The following ZNF638 variants were observed in gnomAD, a reference collection of about 807,000 sequenced individuals.
ZNF638 encodes zinc finger protein 638, also known as CTCL tumor antigen se33-1.
A neutral mutation model predicts 195.6 loss-of-function variants in ZNF638; 46 were observed. That is an observed-to-expected ratio of 0.24 (90% CI 0.19 to 0.30). The LOEUF (loss-of-function observed/expected upper bound fraction) is 0.30. ZNF638 is among the 10% of genes least tolerant of loss of function. ZNF638 has a pLI of 1.00. For missense variants in ZNF638, 2,440 were observed against 2,325.3 expected (o/e 1.05, Z -1.01); for synonymous variants, 845 against 772.0 (o/e 1.09, Z -1.57).
At chr2:71,388,392 C>G (rs1420903859) in intron 10 of ZNF638, 2 of 647,224 alleles carry the variant, frequency 3.1e-6, no homozygotes, top group South Asian at 1.5e-5. Flanking sequence ...GATCATCTGA[C>G]CTTTGATCAT....
At chr2:71,339,930 C>T (rs920065088) in intron 1 of ZNF638, among the ~76,000 whole-genome samples, 1 of 152,094 alleles carries the variant, frequency 6.6e-6, no homozygotes, top group Non-Finnish European at 1.5e-5. Context: ...CTCTAGAGGC[C>T]TGTTTACGTA....
At chr2:71,334,995 G>A (rs1403168194) in intron 1 of ZNF638, among the ~76,000 whole-genome samples, 1 of 152,000 alleles carries the variant, frequency 6.6e-6, no homozygotes, top group Non-Finnish European at 1.5e-5. Context: ...AAAGTCCAGG[G>A]TTTTGGTTTG....
At chr2:71,411,032 C>T (rs1442141336) in intron 20 of ZNF638, among the ~76,000 whole-genome samples, 3 of 117,114 alleles carry the variant, frequency 2.6e-5, no homozygotes, top group Non-Finnish European at 4.9e-5. Flanking sequence ...GAGCCTGGCT[C>T]TGTTGTCCAG....
rs546124263 is a variant in ZNF638, at chr2:71,338,621, T to G, written c.-203+6746T>G. On this transcript the variant is annotated intron_variant, in intron 1 of 27. Coordinates refer to ENST00000264447, the MANE Select transcript of ZNF638 (RefSeq NM_014497.5). ...TCGTTATTCTTCTCTTTCCCTTAGC[T>G]CCATCAAAACTGAGGTACATAAATC... 1.8e-4 allele frequency among the ~76,000 whole-genome samples: 28 copies of G among 152,336 alleles called. No individual in the cohort carries two copies. The South Asian group carries it at 5.4e-3, about 29-fold the overall frequency.
intron 10 of ZNF638, among the ~76,000 whole-genome samples, chr2:71,385,866 T>C (rs777391282): frequency 6.6e-6 from 1 of 152,184 alleles, no homozygotes; most frequent in Non-Finnish European, 1.5e-5. Context: ...TATAGAATTA[T>C]ATGTAGGAAT....
intron 20 of ZNF638, among the ~76,000 whole-genome samples, chr2:71,417,982 C>T (rs927566116): frequency 2.0e-5 from 3 of 152,158 alleles, no homozygotes; most frequent in Admixed American, 2.0e-4. Flanking sequence ...TATGTATAAG[C>T]TCTGAATGGC....
Position 71,370,548 on chromosome 2 carries a change from A to G in ZNF638, c.2265+543A>G, listed in dbSNP as rs113728566. ...AGATAATATCTATAGAATTACTTTA[A>G]ATTACCCTTTAAGGATGAGCTTTCT... On this transcript the variant is annotated intron_variant, in intron 8 of 27. Coordinates refer to ENST00000264447, the MANE Select transcript of ZNF638 (RefSeq NM_014497.5). Among the ~76,000 whole-genome samples the G allele has an allele frequency of 8.9e-3, 1,348 of 152,256 alleles. 20 individuals carry two copies. Among genetic ancestry groups the G allele is most frequent in the African/African-American group, 0.031 (1,280 of 41,548 alleles).
intron 20 of ZNF638, among the ~76,000 whole-genome samples, chr2:71,409,788 C>T (rs550824569): frequency 6.0e-4 from 92 of 152,248 alleles, no homozygotes; most frequent in African/African-American, 2.1e-3. Context: ...AATTTAGGGT[C>T]ATTTGCTTTG....
intron 8 of ZNF638, among the ~76,000 whole-genome samples, chr2:71,374,383 C>G (rs1259150197): frequency 6.6e-6 from 1 of 152,136 alleles, no homozygotes; most frequent in Non-Finnish European, 1.5e-5. Flanking sequence ...GTTTCTGTTA[C>G]AACAATTACT....
rs754626232 is a variant in ZNF638 at position 71,431,371 on chromosome 2, C to T, written c.5695C>T (p.Arg1899Cys). ...GLKDSEPERK[R>C]KKTEDSSSGK... ...AAAGGATTCAGAACCAGAGCGAAAA[C>T]GCAAGAAGACTGAAGACTCTTCTTC... Residue 1899 changes from arginine (R) to cysteine (C), a missense_variant, in exon 26 of 28, where the codon CGC becomes TGC. Arg to Cys is a radical substitution (Grantham distance 180). This residue lies in a region of ZNF638 where 1,883 missense variants were observed against 1,739.1 expected (regional missense o/e 1.08). Transcript: ENST00000264447. 6 of 1,613,780 alleles carry T rather than the reference C, an allele frequency of 3.7e-6. No homozygotes were observed. Among genetic ancestry groups the T allele is most frequent in the Non-Finnish European group, 4.2e-6 (5 of 1,179,870 alleles).
At chr2:71,345,437 AGGCT>A (rs1242334829) in intron 1 of ZNF638, among the ~76,000 whole-genome samples, 11 of 152,214 alleles carry the variant, frequency 7.2e-5, no homozygotes, top group Non-Finnish European at 1.6e-4. Context: ...TTTGCCACCT[AGGCT>A]GGAGTACAGT....
intron 18 of ZNF638, among the ~76,000 whole-genome samples, 160 bp downstream of exon 18, chr2:71,405,802 G>T (rs2080094380): frequency 6.6e-6 from 1 of 152,102 alleles, no homozygotes; most frequent in Non-Finnish European, 1.5e-5. Flanking sequence ...AAAAAATAAA[G>T]GTTTCTTGTA....
rs761639835 is a variant in ZNF638 at position 71,401,995 on chromosome 2, C to T, written c.2737C>T (p.Pro913Ser). 1.9e-6 allele frequency: 3 copies of T among 1,600,622 alleles called. No homozygotes were observed. Among genetic ancestry groups the T allele is most frequent in the Non-Finnish European group, 1.7e-6 (2 of 1,171,826 alleles). ...GTGTGTGATGCTTGTCTCTAATTTG[C>T]CTAATAAAGGATATTCTGTAGAAGA... ...EMCVMLVSNL[P>S]NKGYSVEEVY... Residue 913 changes from proline to serine, a missense_variant, in exon 16 of 28, where the codon CCT becomes TCT. Coordinates refer to ENST00000264447, the MANE Select transcript of ZNF638 (RefSeq NM_014497.5).
At chr2:71,398,814 A>C (rs2079946878) in intron 12 of ZNF638, 42 bp downstream of exon 12, 1 of 1,484,686 alleles carries the variant, frequency 6.7e-7, no homozygotes, top group Admixed American at 1.9e-5. Context: ...TTTATTCTTT[A>C]TTTATGTTTT....
Position 71,351,051 on chromosome 2 carries a change from T to G in ZNF638, c.1317+780T>G, listed in dbSNP as rs796319323. 2.1e-4 allele frequency among the ~76,000 whole-genome samples: 32 copies of G among 152,348 alleles called. 1 individual carries two copies. Among genetic ancestry groups the G allele is most frequent in the African/African-American group, 7.7e-4 (32 of 41,578 alleles). On this transcript the variant is annotated intron_variant, in intron 2 of 27. Coordinates refer to ENST00000264447, the MANE Select transcript of ZNF638 (RefSeq NM_014497.5). ...GCAGGAATTTCCAAGTAAATTTTAT[T>G]TACTTACGTATGGTTGGCAATCACT...
rs1317626801 is a variant in ZNF638, at chr2:71,433,205, A to G, written c.5793A>G (p.Pro1931=). Residue 1931 remains proline (P), a synonymous_variant, in exon 27 of 28, where the codon CCA becomes CCG. Transcript: ENST00000264447. ...TACCTAAGGCTGGATTCTTCTGTCC[A>G]ATTTGTTCCCTCTTCTACTCAGGTG... ...FLVPKAGFFC[P]ICSLFYSGEK... The G allele has an allele frequency of 1.1e-5, 18 of 1,613,998 alleles. No homozygotes were observed. The highest frequency in any genetic ancestry group is 9.9e-5 in the South Asian group (9 of 91,084).
rs1409908181 is a variant in ZNF638 at position 71,422,856 on chromosome 2, A to T, written c.3342A>T (p.Gln1114His). The T allele has an allele frequency of 6.2e-7, 1 of 1,613,890 alleles. No homozygotes were observed. Among genetic ancestry groups the T allele is most frequent in the African/African-American group, 1.3e-5 (1 of 75,014 alleles). The part of the protein sequence containing the change: ...KNSPIDESEV[Q>H]TATDSPSVKP... The stretch of plus-strand genomic sequence containing the variant: ...GTCCAATTGATGAAAGTGAGGTGCA[A>T]ACAGCAACTGATAGTCCCTCTGTTA... The change falls in exon 22 of 28, where the codon CAA (glutamine) becomes CAT (histidine). Residue 1114 changes from glutamine (Q) to histidine (H), a missense_variant. Around this residue, in one of 5 missense-constraint regions of ZNF638, gnomAD observed 1,883 missense variants for 1,739.1 expected, o/e 1.08. Coordinates refer to ENST00000264447, the MANE Select transcript of ZNF638 (RefSeq NM_014497.5).
In ZNF638 at chr2:71,426,911, T is replaced by A; in HGVS notation, c.5042T>A (p.Val1681Glu). ...EQDLLKQERL[V>E]TVDEIGEVEE... ...GATCTCCTCAAACAGGAACGCTTGG[T>A]AACTGTGGATGAAATTGGAGAAGTG... The change falls in exon 24 of 28, where the codon GTA (valine) becomes GAA (glutamate). Residue 1681 changes from valine to glutamate, a missense_variant. By Grantham distance (121) the Val-to-Glu change is moderately radical (BLOSUM62 -2). Around this residue, in one of 5 missense-constraint regions of ZNF638, gnomAD observed 1,883 missense variants for 1,739.1 expected, o/e 1.08. Coordinates refer to ENST00000264447, the MANE Select transcript of ZNF638 (RefSeq NM_014497.5). 1 of 1,614,176 alleles carries A rather than the reference T, an allele frequency of 6.2e-7. No individual in the cohort carries two copies. The highest frequency in any genetic ancestry group is 8.5e-7 in the Non-Finnish European group (1 of 1,180,012).
At chr2:71,374,890 C>T (rs1047062944) in intron 8 of ZNF638, 1 of 152,200 alleles carries the variant, frequency 6.6e-6, no homozygotes, top group Non-Finnish European at 1.5e-5. Context: ...CACCATGGCA[C>T]CCCAGCCTGG....
Sources: allele counts gnomAD v4.1 joint callset (sites outside exome capture counted in the v4.1 genomes callset), GRCh38; gene constraint gnomAD v4.1.1; regional missense constraint gnomAD v4.1.1; transcripts MANE v1.5; gene names NCBI Gene and HGNC (gene_info 2026-07-23, HGNC 2026-07-21).